Variants in CHRM3 observed in about 807,000 individuals in gnomAD.
CHRM3 encodes muscarinic acetylcholine receptor M3.
Under a neutral mutation model 41.8 loss-of-function variants are expected in CHRM3, and 11 were observed. That is an observed-to-expected ratio of 0.26 (90% CI 0.17 to 0.44). The LOEUF is 0.44. Among genes scored for constraint, CHRM3 ranks in the 20% least tolerant of loss-of-function variants. CHRM3 has a pLI of 1.00. For missense variants in CHRM3, 571 were observed against 745.4 expected (o/e 0.77, Z 2.72); for synonymous variants, 297 against 301.4 (o/e 0.99, Z 0.15).
chr1:239,711,545 A>T (rs1256945845), intron 5 of CHRM3, among the ~76,000 whole-genome samples: 2 of 152,080 alleles, frequency 1.3e-5, no homozygotes, highest in African/African-American at 4.8e-5. Flanking sequence ...TAATAAGTTC[A>T]TCAAGTTCCA....
chr1:239,838,957 T>C (rs1185409627), intron 6 of CHRM3, among the ~76,000 whole-genome samples: 2 of 152,252 alleles, frequency 1.3e-5, no homozygotes, highest in African/African-American at 4.8e-5. Flanking sequence ...CAAAGCATCA[T>C]ATCATCTAGA....
At chr1:239,439,037 C>T (rs1297830544) in intron 1 of CHRM3, among the ~76,000 whole-genome samples, 3 of 152,158 alleles carry the variant, frequency 2.0e-5, no homozygotes, top group African/African-American at 7.2e-5. Flanking sequence ...AGCTTCATAT[C>T]CAATTTCTTA....
intron 1 of CHRM3, among the ~76,000 whole-genome samples, chr1:239,407,417 T>TATATAGAGAGAGAGAGAGAG: frequency 7.5e-6 from 1 of 134,198 alleles, no homozygotes; most frequent in Non-Finnish European, 1.7e-5. Context: ...TATATATATA[T>TATATAGAGAGAGAGAGAGAG]AGAGAGAGAG....
chr1:239,801,865 C>T (rs889269085), intron 5 of CHRM3, among the ~76,000 whole-genome samples: 15 of 152,162 alleles, frequency 9.9e-5, no homozygotes, highest in Admixed American at 5.2e-4. Context: ...TTTCCCCACA[C>T]ATATGATACC....
intron 3 of CHRM3, 103 bp downstream of exon 3, chr1:239,545,852 T>C (rs1659235354): frequency 6.6e-6 from 1 of 152,176 alleles, no homozygotes; most frequent in Non-Finnish European, 1.5e-5. Flanking sequence ...CATGTATTAG[T>C]GTCGCCGGTA....
At chr1:239,606,952 C>G (rs1228078920) in intron 3 of CHRM3, among the ~76,000 whole-genome samples, 1 of 152,186 alleles carries the variant, frequency 6.6e-6, no homozygotes, top group Non-Finnish European at 1.5e-5. Flanking sequence ...CCTTTCTCCT[C>G]TAAGGATGTG....
chr1:239,844,502 A>G (rs536428953), intron 6 of CHRM3, among the ~76,000 whole-genome samples: 1 of 152,280 alleles, frequency 6.6e-6, no homozygotes, highest in African/African-American at 2.4e-5. Flanking sequence ...TTTAAGAATA[A>G]ATTTGGTGGA....
chr1:239,522,804 C>T (rs1277512012), intron 2 of CHRM3, among the ~76,000 whole-genome samples: 1 of 152,152 alleles, frequency 6.6e-6, no homozygotes, highest in Non-Finnish European at 1.5e-5. Flanking sequence ...CATTCCTGTA[C>T]GAGAGTTCAT....
rs1210303918 is a variant in CHRM3, at chr1:239,915,349, A to G, written c.*6125A>G. ...TTCATTTTTAATCTTGAAAAAGTCA[A>G]TCGTCTGTAGTCTGTACTATAAAAT... is the stretch of plus-strand genomic sequence containing the variant. On this transcript the variant is annotated 3_prime_UTR_variant, in exon 7 of 7. Coordinates refer to ENST00000676153, the MANE Select transcript of CHRM3 (RefSeq NM_001375978.1). 1.2e-5 allele frequency: 2 copies of G among 167,048 alleles called. No homozygotes were observed. Among genetic ancestry groups the G allele is most frequent in the Non-Finnish European group, 2.9e-5 (2 of 68,118 alleles). The allele number at this position is 167,048 out of a possible 1,614,324, so 10.3% of individuals were successfully genotyped here.
At chr1:239,866,201 C>A (rs1676081606) in intron 6 of CHRM3, among the ~76,000 whole-genome samples, 1 of 152,082 alleles carries the variant, frequency 6.6e-6, no homozygotes. Context: ...CACGGTGAAA[C>A]CCCGTCTCTA....
At chr1:239,672,235 T>A (rs1361427057) in intron 4 of CHRM3, among the ~76,000 whole-genome samples, 1 of 152,094 alleles carries the variant, frequency 6.6e-6, no homozygotes, top group Non-Finnish European at 1.5e-5. Context: ...TGCCATCATA[T>A]GGATGAAGGC....
intron 5 of CHRM3, among the ~76,000 whole-genome samples, chr1:239,698,334 A>G (rs986251190): frequency 1.3e-5 from 2 of 152,182 alleles, no homozygotes; most frequent in African/African-American, 2.4e-5. Context: ...ATATTAGAGT[A>G]CTTGAATAGC....
rs540056061 is a variant in CHRM3 at position 239,836,188 on chromosome 1, T to G, written c.-20+8810T>G. ...GTCCACCAGTGAAAAACAGGAACATTTCAGAGAACAGCAGGAAATGCTAGT... is the reference window on the plus strand; with the variant it reads ...GTCCACCAGTGAAAAACAGGAACATGTCAGAGAACAGCAGGAAATGCTAGT... On this transcript the variant is annotated intron_variant, in intron 6 of 6. Transcript: ENST00000676153. 6.6e-5 allele frequency among the ~76,000 whole-genome samples: 10 copies of G among 152,290 alleles called. No homozygotes were observed. The South Asian group carries it at 2.1e-3, about 32-fold the overall frequency.
intron 3 of CHRM3, among the ~76,000 whole-genome samples, chr1:239,569,125 TAA>T (rs902931040): frequency 1.3e-5 from 2 of 152,234 alleles, no homozygotes; most frequent in Admixed American, 6.5e-5. Context: ...ATTTATGTGA[TAA>T]GTGTATACAT....
At chr1:239,707,011 A>G in intron 5 of CHRM3, 1 of 152,214 alleles carries the variant, frequency 6.6e-6, no homozygotes, top group Non-Finnish European at 1.5e-5. Context: ...AATGTATGGT[A>G]GTAGAAGGAA....
chr1:239,809,796 G>A (rs956815876), intron 5 of CHRM3, among the ~76,000 whole-genome samples: 1 of 152,170 alleles, frequency 6.6e-6, no homozygotes, highest in African/African-American at 2.4e-5. Flanking sequence ...ACCATGCCTG[G>A]CCTACTGTAG....
chr1:239,873,951 A>G (rs1676814867), intron 6 of CHRM3, among the ~76,000 whole-genome samples: 2 of 152,026 alleles, frequency 1.3e-5, no homozygotes, highest in Admixed American at 1.3e-4. Flanking sequence ...CTCTTCACTC[A>G]TGAGGACTGT....
chr1:239,686,495 C>T (rs1279747873), intron 5 of CHRM3, among the ~76,000 whole-genome samples: 2 of 152,178 alleles, frequency 1.3e-5, no homozygotes, highest in Non-Finnish European at 2.9e-5. Flanking sequence ...TCCTTCTGCT[C>T]ACCCTTCCCT....
At chr1:239,544,341 C>T (rs1659083188) in intron 2 of CHRM3, among the ~76,000 whole-genome samples, 1 of 152,096 alleles carries the variant, frequency 6.6e-6, no homozygotes, top group African/African-American at 2.4e-5. Context: ...CGTTAGGAAG[C>T]CAATACTTAA....
Sources: allele counts gnomAD v4.1 joint callset (sites outside exome capture counted in the v4.1 genomes callset), GRCh38; gene constraint gnomAD v4.1.1; transcripts MANE v1.5; gene names NCBI Gene and HGNC (gene_info 2026-07-23, HGNC 2026-07-21).